VWA8: variants seen among roughly 807,000 people sequenced by gnomAD.
The protein encoded by VWA8 is von Willebrand factor A domain containing 8.
VWA8 carries 221 observed loss-of-function variants against 241.5 expected under a neutral mutation model. The ratio of observed to expected loss-of-function variants is 0.91; its 90% CI spans 0.82 to 1.02. VWA8 has a LOEUF of 1.02. VWA8 is among the 50% of genes least tolerant of loss of function. The pLI is 0.00. For missense variants in VWA8, 2,322 were observed against 2,328.7 expected (o/e 1.00, Z 0.06); for synonymous variants, 852 against 827.1 (o/e 1.03, Z -0.52).
chr13:41,806,001 T>TAAAAAAA (rs60826821), intron 17 of VWA8, among the ~76,000 whole-genome samples: 24 of 118,888 alleles, frequency 2.0e-4, no homozygotes, highest in East Asian at 9.1e-4. Context: ...AATTCAAAAA[T>TAAAAAAA]AAAAAAAAAA....
At chr13:41,686,785 A>G (rs1472443235) in intron 34 of VWA8, among the ~76,000 whole-genome samples, 1 of 152,106 alleles carries the variant, frequency 6.6e-6, no homozygotes, top group Non-Finnish European at 1.5e-5. Flanking sequence ...CTCCCTGGGC[A>G]GATGCTCCAC....
intron 34 of VWA8, among the ~76,000 whole-genome samples, 196 bp from the exon 35 acceptor site, chr13:41,685,438 T>C (rs1164566501): frequency 6.6e-6 from 1 of 152,098 alleles, no homozygotes; most frequent in East Asian, 1.9e-4. Flanking sequence ...GGTGGATCAC[T>C]TGAGTTCAGG....
intron 40 of VWA8, among the ~76,000 whole-genome samples, chr13:41,602,540 C>T (rs1041352142): frequency 6.6e-6 from 1 of 152,068 alleles, no homozygotes; most frequent in African/African-American, 2.4e-5. Flanking sequence ...GAAAATTATA[C>T]ATACTGGTTT....
At chr13:41,837,458 C>G (rs1433297795) in intron 12 of VWA8, among the ~76,000 whole-genome samples, 1 of 117,114 alleles carries the variant, frequency 8.5e-6, no homozygotes, top group African/African-American at 2.9e-5. Context: ...ACAACTGAAT[C>G]TAATCAAATC....
chr13:41,960,264 A>G (rs937697605), intron 1 of VWA8, among the ~76,000 whole-genome samples: 5 of 152,238 alleles, frequency 3.3e-5, no homozygotes, highest in Admixed American at 2.6e-4. Flanking sequence ...TCATTTGTAG[A>G]GGCAAGTGTT....
chr13:41,600,595 C>A (rs185695962), intron 40 of VWA8, among the ~76,000 whole-genome samples: 2 of 152,224 alleles, frequency 1.3e-5, no homozygotes, highest in East Asian at 1.9e-4. Flanking sequence ...AAACATGAAA[C>A]CCTATCTAGT....
At chr13:41,933,797 A>G (rs1205838592) in intron 2 of VWA8, among the ~76,000 whole-genome samples, 4 of 152,016 alleles carry the variant, frequency 2.6e-5, no homozygotes, top group Non-Finnish European at 4.4e-5. Flanking sequence ...TATGCCACAT[A>G]CAAGAATTAA....
At chr13:41,882,013 C>G (rs903551490) in intron 9 of VWA8, among the ~76,000 whole-genome samples, 1 of 147,974 alleles carries the variant, frequency 6.8e-6, no homozygotes, top group Non-Finnish European at 1.5e-5. Flanking sequence ...TCAGATGGGG[C>G]GGCTTCCGGG....
At chr13:41,611,285 A>C (rs2044586311) in intron 39 of VWA8, among the ~76,000 whole-genome samples, 1 of 152,206 alleles carries the variant, frequency 6.6e-6, no homozygotes, top group African/African-American at 2.4e-5. Context: ...TGAGGGCAGG[A>C]AGGGACCATT....
At chr13:41,829,564 CACAT>C (rs767359114) in intron 14 of VWA8, among the ~76,000 whole-genome samples, 1,459 of 134,936 alleles carry the variant, frequency 0.011, 12 homozygotes, top group Middle Eastern at 0.028. Context: ...CACACACACA[CACAT>C]GCACACACAC....
chr13:41,948,489 T>C (rs1348596699), intron 2 of VWA8, among the ~76,000 whole-genome samples: 1 of 152,202 alleles, frequency 6.6e-6, no homozygotes, highest in East Asian at 1.9e-4. Context: ...AATTGTACAA[T>C]ATGGAAAGGT....
intron 21 of VWA8, among the ~76,000 whole-genome samples, chr13:41,751,134 T>C (rs192095607): frequency 0.015 from 2,204 of 144,830 alleles, 27 homozygotes; most frequent in Middle Eastern, 0.029. Context: ...ATGCAAATGT[T>C]AAATAAAAAA....
Position 41,653,047 on chromosome 13 carries a change from T to C in VWA8, c.4611+17899A>G, listed in dbSNP as rs529172739. Among the ~76,000 whole-genome samples the C allele has an allele frequency of 2.0e-5, 3 of 152,280 alleles. No individual in the cohort carries two copies. In the East Asian group the frequency reaches 5.8e-4, roughly 29 times the overall value. The stretch of plus-strand genomic sequence containing the variant: ...AAGTTAATGGTTAAATGTAACAAGA[T>C]AGATAGATGTCAAATAACATAATAC... On this transcript the variant is annotated intron_variant, in intron 37 of 44. Transcript: ENST00000379310.
chr13:41,719,428 T>C lies in VWA8; in HGVS notation c.3116+163A>G, dbSNP rs562582268. 5.9e-4 allele frequency: 854 copies of C among 1,454,496 alleles called. 15 individuals carry two copies. In the South Asian group the frequency reaches 0.012, roughly 20 times the overall value. 90.1% of individuals were successfully genotyped at this position (1,454,496 alleles called of 1,614,324 possible). ...TTTCAATTTACAGGCCTATAAATAATGCTATTTAACTGAAAAGCAGCCAGC... is the reference window on the plus strand; with the variant it reads ...TTTCAATTTACAGGCCTATAAATAACGCTATTTAACTGAAAAGCAGCCAGC... On this transcript the variant is annotated intron_variant, in intron 26 of 44. Coordinates refer to ENST00000379310, the MANE Select transcript of VWA8 (RefSeq NM_015058.2).
intron 42 of VWA8, among the ~76,000 whole-genome samples, chr13:41,581,761 GAGTGCTT>G (rs1420704471): frequency 6.6e-6 from 1 of 151,812 alleles, no homozygotes; most frequent in Non-Finnish European, 1.5e-5. Context: ...CCCACTATTT[GAGTGCTT>G]AGTGGAGAAA....
At chr13:41,819,753 C>T (rs536532891) in intron 14 of VWA8, among the ~76,000 whole-genome samples, 7 of 152,270 alleles carry the variant, frequency 4.6e-5, no homozygotes, top group Admixed American at 3.9e-4. Context: ...TCATTTAAAA[C>T]CCCTCAGAAT....
chr13:41,631,001 A>G (rs1330737455), intron 37 of VWA8, among the ~76,000 whole-genome samples: 1 of 152,090 alleles, frequency 6.6e-6, no homozygotes, highest in Admixed American at 6.6e-5. Context: ...CAGTGGGGCC[A>G]CTGGTCAGCA....
intron 20 of VWA8, among the ~76,000 whole-genome samples, chr13:41,765,652 G>C (rs926247823): frequency 2.6e-5 from 4 of 151,924 alleles, no homozygotes; most frequent in African/African-American, 9.7e-5. Context: ...TTTTCCCACT[G>C]GGAAACTTAG....
At chr13:41,811,764 G>A (rs1029541890) in intron 16 of VWA8, among the ~76,000 whole-genome samples, 2 of 152,146 alleles carry the variant, frequency 1.3e-5, no homozygotes, top group Admixed American at 6.6e-5. Context: ...GCCAAAAAGA[G>A]TTGTAAACAA....
Sources: gnomAD v4.1 joint callset for allele counts (sites outside exome capture counted in the v4.1 genomes callset) on GRCh38, gnomAD v4.1.1 for gene constraint, MANE v1.5 for transcripts, NCBI Gene and HGNC (gene_info 2026-07-23, HGNC 2026-07-21) for gene names.